GRID1: variants seen among roughly 807,000 people sequenced by gnomAD.
GRID1 encodes glutamate receptor ionotropic, delta-1.
In GRID1, 28 loss-of-function variants were observed where a neutral mutation model predicts 98.0. That is an observed-to-expected ratio of 0.29 (90% CI 0.21 to 0.39). GRID1 has a LOEUF of 0.39. GRID1 is among the 10% of genes least tolerant of loss of function. GRID1 has a pLI of 1.00. For synonymous variants in GRID1, 553 were observed against 538.5 expected, an observed-to-expected ratio of 1.03 and a Z score of -0.37; for missense variants, 1,111 against 1,340.5, an observed-to-expected ratio of 0.83 and a Z score of 2.67.
chr10:85,675,975 C>T (rs978572438), intron 12 of GRID1, among the ~76,000 whole-genome samples: 1 of 152,126 alleles, frequency 6.6e-6, no homozygotes, highest in Non-Finnish European at 1.5e-5. Flanking sequence ...TCCCCAAGGC[C>T]TTTGGCAAAT....
At chr10:85,828,983 A>T (rs1188248355) in intron 8 of GRID1, among the ~76,000 whole-genome samples, 1 of 152,174 alleles carries the variant, frequency 6.6e-6, no homozygotes, top group Non-Finnish European at 1.5e-5. Flanking sequence ...TCTAATACCA[A>T]AACCTAGCAG....
At chr10:85,844,639 C>T (rs1842990060) in intron 8 of GRID1, among the ~76,000 whole-genome samples, 2 of 151,852 alleles carry the variant, frequency 1.3e-5, no homozygotes, top group Admixed American at 6.6e-5. Flanking sequence ...TAAATCTATA[C>T]CAACTCAAAA....
intron 5 of GRID1, among the ~76,000 whole-genome samples, chr10:85,900,311 G>T (rs1050807912): frequency 6.6e-6 from 1 of 152,194 alleles, no homozygotes. Context: ...GGCGAAGGAG[G>T]TGTAATAACA....
At chr10:85,816,693 TATC>T (rs1842719235) in intron 8 of GRID1, among the ~76,000 whole-genome samples, 1 of 152,224 alleles carries the variant, frequency 6.6e-6, no homozygotes, top group Non-Finnish European at 1.5e-5. Context: ...TGCTTTTTGT[TATC>T]ATTATTATTT....
At chr10:86,018,165 G>T (rs1843003041) in intron 4 of GRID1, among the ~76,000 whole-genome samples, 1 of 152,228 alleles carries the variant, frequency 6.6e-6, no homozygotes, top group African/African-American at 2.4e-5. Flanking sequence ...TCCAGTGGAG[G>T]GGTGATCCGG....
chr10:86,146,551 C>A (rs375499500), intron 3 of GRID1, among the ~76,000 whole-genome samples: 29 of 152,298 alleles, frequency 1.9e-4, no homozygotes, highest in African/African-American at 7.0e-4. Context: ...GATACCCTTG[C>A]CCTCTGCCCG....
chr10:85,723,173 T>G (rs1366668259), intron 11 of GRID1, 32 bp from the exon 12 acceptor site: 4 of 1,579,068 alleles, frequency 2.5e-6, no homozygotes, highest in Non-Finnish European at 1.7e-6. Context: ...GATTGGCCAG[T>G]GGCTTCTGCT....
chr10:85,895,015 AAAT>A lies in GRID1; in HGVS notation c.780+21168_780+21170del, dbSNP rs1196740042. Among the ~76,000 whole-genome samples the A allele has an allele frequency of 6.5e-3, 794 of 122,796 alleles. 1 individual carries two copies. The highest frequency in any genetic ancestry group is 0.011 in the East Asian group (48 of 4,206). The allele number at this position is 122,796 out of a possible 152,430, so 80.6% of individuals were successfully genotyped here. ...ACTGGGACTCTCAAAAAAAAAAAAAAAATATATATATATATATATATATATGTA... is the reference window on the plus strand; with the variant it reads ...ACTGGGACTCTCAAAAAAAAAAAAAAATATATATATATATATATATATGTA... On this transcript the variant is annotated intron_variant, in intron 5 of 15. Transcript: ENST00000327946.
Position 85,770,589 on chromosome 10 carries a change from C to A in GRID1, c.1234-40975G>T, listed in dbSNP as rs374217809. On this transcript the variant is annotated intron_variant, in intron 8 of 15. Coordinates refer to ENST00000327946, the MANE Select transcript of GRID1 (RefSeq NM_017551.3). ...TTGAAAACTTTGAAAAAAACTTAGA[C>A]GAATGTATAACTAGAATAACCAATA... Among the ~76,000 whole-genome samples the A allele has an allele frequency of 1.1e-4, 17 of 152,042 alleles. 1 individual carries two copies. Among genetic ancestry groups the A allele is most frequent in the Non-Finnish European group, 2.4e-4 (16 of 68,020 alleles).
chr10:86,125,969 T>G (rs1844746580), intron 4 of GRID1, among the ~76,000 whole-genome samples: 1 of 152,028 alleles, frequency 6.6e-6, no homozygotes, highest in Non-Finnish European at 1.5e-5. Context: ...GCTTTAGGAG[T>G]TAAGTTTTGG....
chr10:86,189,690 C>T (rs1051312937), intron 3 of GRID1, among the ~76,000 whole-genome samples: 4 of 152,152 alleles, frequency 2.6e-5, no homozygotes, highest in East Asian at 1.9e-4. Flanking sequence ...CTGTCTTAAG[C>T]GGGTGCTGTG....
chr10:85,913,147 A>G (rs1841564623), intron 5 of GRID1, among the ~76,000 whole-genome samples: 1 of 152,192 alleles, frequency 6.6e-6, no homozygotes, highest in Non-Finnish European at 1.5e-5. Context: ...AAAGTCCCTG[A>G]GCTGGCACCA....
rs73344007 is a variant in GRID1, at chr10:86,036,753, T to C, written c.726+102066A>G. ...AGGAGTGGACGGGGACTTCCAGCCT[T>C]ACAGAGCAGATGAGGATCGACTGAA... On this transcript the variant is annotated intron_variant, in intron 4 of 15. Coordinates refer to ENST00000327946, the MANE Select transcript of GRID1 (RefSeq NM_017551.3). Among the ~76,000 whole-genome samples, 790 of 152,228 alleles carry C rather than the reference T, an allele frequency of 5.2e-3. 10 individuals carry two copies. The highest frequency in any genetic ancestry group is 0.018 in the African/African-American group (749 of 41,536).
At chr10:86,358,608 A>C (rs936576586) in intron 2 of GRID1, among the ~76,000 whole-genome samples, 2 of 151,716 alleles carry the variant, frequency 1.3e-5, no homozygotes, top group Non-Finnish European at 2.9e-5. Flanking sequence ...AATACAAAAA[A>C]TTAGCCGGGC....
At chr10:86,250,081 ATGGATGGGTGAG>A (rs1427667253) in intron 2 of GRID1, among the ~76,000 whole-genome samples, 2 of 152,070 alleles carry the variant, frequency 1.3e-5, no homozygotes, top group Admixed American at 6.5e-5. Context: ...GGGTGGATAG[ATGGATGGGTGAG>A]TAGGTGGATG....
chr10:86,292,097 G>A lies in GRID1; in HGVS notation c.235+71844C>T, dbSNP rs1367041466. On this transcript the variant is annotated intron_variant, in intron 2 of 15. Transcript: ENST00000327946. ...ACAGGGTCAGGGAAGCCCCTCCACAGACACCCTCCAGGTCAGGCCCACGAC... is the reference window on the plus strand; with the variant it reads ...ACAGGGTCAGGGAAGCCCCTCCACAAACACCCTCCAGGTCAGGCCCACGAC... Among the ~76,000 whole-genome samples, 5 of 152,346 alleles carry A rather than the reference G, an allele frequency of 3.3e-5. No homozygotes were observed. The East Asian group carries it at 9.6e-4, about 29-fold the overall frequency.
chr10:85,884,897 A>G (rs1841089892), intron 5 of GRID1, among the ~76,000 whole-genome samples: 1 of 152,328 alleles, frequency 6.6e-6, no homozygotes, highest in Admixed American at 6.5e-5. Context: ...AACAACAAAA[A>G]CAAGTAGAGA....
At chr10:86,262,764 G>A (rs756903834) in intron 2 of GRID1, among the ~76,000 whole-genome samples, 1 of 152,168 alleles carries the variant, frequency 6.6e-6, no homozygotes, top group Non-Finnish European at 1.5e-5. Flanking sequence ...CTGCCTCTCA[G>A]CGCACCCTAA....
At chr10:86,007,818 G>A (rs370281562) in intron 4 of GRID1, among the ~76,000 whole-genome samples, 53 of 136,390 alleles carry the variant, frequency 3.9e-4, no homozygotes, top group African/African-American at 1.4e-3. Flanking sequence ...TGTTTTTTGT[G>A]TTTTTTTATT....
Sources: allele counts gnomAD v4.1 joint callset (sites outside exome capture counted in the v4.1 genomes callset), GRCh38; gene constraint gnomAD v4.1.1; transcripts MANE v1.5; gene names NCBI Gene and HGNC (gene_info 2026-07-23, HGNC 2026-07-21).